The following PCDHGB1 variants were observed in gnomAD, a reference collection of about 807,000 sequenced individuals.
PCDHGB1 encodes protocadherin gamma-B1.
In PCDHGB1, 34 loss-of-function variants were observed where a neutral mutation model predicts 56.6. The ratio of observed to expected loss-of-function variants is 0.60; its 90% CI spans 0.46 to 0.80. The LOEUF is 0.80. PCDHGB1 is among the 30% of genes least tolerant of loss of function. The pLI, the probability that PCDHGB1 is intolerant of heterozygous loss-of-function variation, is 0.00. For missense variants in PCDHGB1, 1,278 were observed against 1,204.6 expected (o/e 1.06, Z -0.90); for synonymous variants, 561 against 505.9 (o/e 1.11, Z -1.46).
At chr5:141,365,601 T>C in intron 1 of PCDHGB1, 1 of 1,613,644 alleles carries the variant, frequency 6.2e-7, no homozygotes, top group Non-Finnish European at 8.5e-7. Context: ...ACTTTAACCG[T>C]CATGGACCAT....
At chr5:141,356,573 C>G (rs1447765378) in intron 1 of PCDHGB1, 2 of 1,614,090 alleles carry the variant, frequency 1.2e-6, no homozygotes, top group Non-Finnish European at 1.7e-6. Context: ...GCTTCCTACT[C>G]TGCTTACATT....
chr5:141,497,573 T>C (rs1231425210), intron 2 of PCDHGB1, among the ~76,000 whole-genome samples: 1 of 149,502 alleles, frequency 6.7e-6, no homozygotes, highest in South Asian at 2.1e-4. Context: ...AGAGTCTTGC[T>C]CTGTTGCCCA....
rs1561508554 is a variant in PCDHGB1, at chr5:141,355,365, G to A, written c.2409+2696G>A. The A allele has an allele frequency of 3.1e-6, 5 of 1,614,040 alleles. No homozygotes were observed. The South Asian group carries it at 4.4e-5, about 14-fold the overall frequency. On this transcript the variant is annotated intron_variant, in intron 1 of 3. Coordinates refer to ENST00000523390, the MANE Select transcript of PCDHGB1 (RefSeq NM_018922.3). ...ACATCGCCAAGGACCTGGGGTTGGC[G>A]CCCCGGGAGCTGGCGGAGCGCGGAG...
intron 1 of PCDHGB1, chr5:141,412,915 T>C (rs1167427710): frequency 2.0e-5 from 8 of 407,356 alleles, no homozygotes; most frequent in Non-Finnish European, 2.6e-5. Flanking sequence ...ATGTATCACT[T>C]GGGTGCAGTA....
chr5:141,359,110 A>G (rs1761121037), intron 1 of PCDHGB1, among the ~76,000 whole-genome samples: 1 of 152,222 alleles, frequency 6.6e-6, no homozygotes, highest in African/African-American at 2.4e-5. Context: ...GTATTCATAG[A>G]AAGTTGTGGT....
intron 1 of PCDHGB1, chr5:141,478,743 A>G: frequency 6.5e-7 from 1 of 1,528,732 alleles, no homozygotes; most frequent in Non-Finnish European, 8.8e-7. Context: ...TTGTGGTCCC[A>G]TTTCAGGGGG....
intron 1 of PCDHGB1, chr5:141,372,712 A>C (rs781319922): frequency 1.2e-6 from 2 of 1,613,946 alleles, no homozygotes; most frequent in South Asian, 2.2e-5. Flanking sequence ...ATAAAGGCTG[A>C]AAATGCTGCA....
chr5:141,365,620 G>T, intron 1 of PCDHGB1: 1 of 1,613,368 alleles, frequency 6.2e-7, no homozygotes, highest in Middle Eastern at 1.6e-4. Context: ...ATGGAACCCC[G>T]CCCCTCTCTA....
At chr5:141,455,159 G>GT (rs1390145608) in intron 1 of PCDHGB1, among the ~76,000 whole-genome samples, 2,419 of 144,948 alleles carry the variant, frequency 0.017, 50 homozygotes, top group African/African-American at 0.056. Context: ...TTAGTTTGTT[G>GT]GTTTTTTTTT....
chr5:141,374,444 G>A (rs1371044841), intron 1 of PCDHGB1: 1 of 1,613,848 alleles, frequency 6.2e-7, no homozygotes, highest in Non-Finnish European at 8.5e-7. Flanking sequence ...TCCCGTGGAA[G>A]TGGAAATAGT....
rs561053469 is a variant in PCDHGB1 at position 141,389,531 on chromosome 5, A to G, written c.2409+36862A>G. The G allele has an allele frequency of 5.0e-6, 8 of 1,613,210 alleles. No individual in the cohort carries two copies. In the East Asian group the frequency reaches 6.7e-5, roughly 13 times the overall value. On this transcript the variant is annotated intron_variant, in intron 1 of 3. Transcript: ENST00000523390. ...GCGCGAACGTGAGCCTGCGCGTGTT[A>G]GTGGACGACCGCAACGACAATGCGC...
chr5:141,447,181 G>C (rs442221), intron 1 of PCDHGB1, among the ~76,000 whole-genome samples: 152,246 of 152,338 alleles, frequency 1, 76,078 homozygotes, highest in Middle Eastern at 1. Context: ...CTCTTGTCGC[G>C]CAGGCTGGAG....
intron 1 of PCDHGB1, chr5:141,422,819 TGA>T (rs766395950): frequency 1.9e-5 from 31 of 1,614,068 alleles, no homozygotes; most frequent in Middle Eastern, 1.6e-4. Flanking sequence ...GACTTAGAAC[TGA>T]GAGTGATAGC....
chr5:141,356,160 A>C, intron 1 of PCDHGB1: 1 of 1,613,338 alleles, frequency 6.2e-7, no homozygotes, highest in Non-Finnish European at 8.5e-7. Flanking sequence ...TAGATGTAGA[A>C]GCCCATGATG....
rs1275819200 is a variant in PCDHGB1, at chr5:141,491,620, A to G, written c.2410-3187A>G. 5 of 1,613,788 alleles carry G rather than the reference A, an allele frequency of 3.1e-6. No individual in the cohort carries two copies. Among genetic ancestry groups the G allele is most frequent in the Non-Finnish European group, 4.2e-6 (5 of 1,180,014 alleles). On this transcript the variant is annotated intron_variant, in intron 1 of 3. Coordinates refer to ENST00000523390, the MANE Select transcript of PCDHGB1 (RefSeq NM_018922.3). The surrounding 1 kb of genome is among the most constrained non-coding windows in gnomAD (Gnocchi z 6.9). ...TGACTTCACTTTTCTAAGACCCCTC[A>G]GCGTTCAGCAGCCCACAGCTCTGGC...
Position 141,351,574 on chromosome 5 carries a change from C to G in PCDHGB1, c.1314C>G (p.Ile438Met). 2 of 1,614,058 alleles carry G rather than the reference C, an allele frequency of 1.2e-6. No homozygotes were observed. Among genetic ancestry groups the G allele is most frequent in the Non-Finnish European group, 1.7e-6 (2 of 1,179,900 alleles). Residue 438 changes from isoleucine to methionine, a missense_variant, in exon 1 of 4, where the codon ATC becomes ATG. Transcript: ENST00000523390. Reference protein sequence around the residue: ...LSSRTSITLHISDINDNAPVF... With the variant: ...LSSRTSITLHMSDINDNAPVF... Reference sequence around the variant, plus strand: ...CCAGGACAAGCATCACCCTGCACATCTCCGACATCAACGACAATGCACCTG... The same window carrying G: ...CCAGGACAAGCATCACCCTGCACATGTCCGACATCAACGACAATGCACCTG...
chr5:141,399,643 C>T, intron 1 of PCDHGB1: 1 of 1,613,832 alleles, frequency 6.2e-7, no homozygotes, highest in Non-Finnish European at 8.5e-7. Context: ...CATGAGCGCG[C>T]AAAGTGGGGT....
intron 1 of PCDHGB1, chr5:141,365,398 C>T: frequency 1.2e-6 from 2 of 1,613,978 alleles, no homozygotes; most frequent in Non-Finnish European, 1.7e-6. Flanking sequence ...CCAGTTCGAT[C>T]TCTGAAGACT....
chr5:141,358,784 C>A (rs7722108), intron 1 of PCDHGB1, among the ~76,000 whole-genome samples: 8,101 of 152,166 alleles, frequency 0.053, 457 homozygotes, highest in African/African-American at 0.15. Flanking sequence ...GGTTGAGTTA[C>A]TTGGGTTCTG....
Sources: allele counts gnomAD v4.1 joint callset (sites outside exome capture counted in the v4.1 genomes callset), GRCh38; gene constraint gnomAD v4.1.1; non-coding constraint Gnocchi (gnomAD v3.1); transcripts MANE v1.5; gene names NCBI Gene and HGNC (gene_info 2026-07-23, HGNC 2026-07-21).